Variants in DYM observed in about 807,000 individuals in gnomAD.
The protein encoded by DYM is dymeclin, also known as dyggve-Melchior-Clausen syndrome protein.
DYM carries 78 observed loss-of-function variants against 93.1 expected under a neutral mutation model. The observed-to-expected ratio is 0.84, with a 90% CI of 0.70 to 1.01. DYM has a LOEUF of 1.01. Ranked by LOEUF, DYM falls within the 50% of genes least tolerant of loss-of-function variation. DYM has a pLI of 0.00. For synonymous variants in DYM, 321 were observed against 319.7 expected (o/e 1.00, Z -0.04); for missense variants, 789 against 845.0 (o/e 0.93, Z 0.82).
chr18:49,052,731 T>C (rs371030077), intron 17 of DYM, among the ~76,000 whole-genome samples: 19 of 152,236 alleles, frequency 1.2e-4, no homozygotes, highest in African/African-American at 4.3e-4. Flanking sequence ...CTTCCCTCCC[T>C]TGGGCTTCTA....
At chr18:49,263,356 T>C (rs567988710) in intron 11 of DYM, among the ~76,000 whole-genome samples, 1 of 151,700 alleles carries the variant, frequency 6.6e-6, no homozygotes, top group East Asian at 2.0e-4. Context: ...TGACCTCACG[T>C]GATCTGCCCA....
At chr18:49,289,765 AT>A (rs1568181418) in intron 8 of DYM, among the ~76,000 whole-genome samples, 3 of 50,252 alleles carry the variant, frequency 6.0e-5, no homozygotes, top group Non-Finnish European at 1.1e-4. Flanking sequence ...ATATATATAT[AT>A]ATATATACAC....
intron 8 of DYM, among the ~76,000 whole-genome samples, chr18:49,294,445 T>C (rs1162519383): frequency 6.6e-6 from 1 of 152,218 alleles, no homozygotes. Context: ...TTTCTATCCA[T>C]GAGCATGGAA....
chr18:49,430,235 A>G lies in DYM; in HGVS notation c.140+20T>C. ...ATATGGCCCTCTATTCAAATTTTCA[A>G]TCTCCAGGCAATCTCTTACCTGCTA... On this transcript the variant is annotated intron_variant, in intron 2 of 17. Coordinates refer to ENST00000675505, the MANE Select transcript of DYM (RefSeq NM_001353214.3). 1 of 1,613,206 alleles carries G rather than the reference A, an allele frequency of 6.2e-7. No individual in the cohort carries two copies. The highest frequency in any genetic ancestry group is 1.1e-5 in the South Asian group (1 of 91,078).
At chr18:49,375,678 T>G (rs549867978) in intron 5 of DYM, 2 of 152,310 alleles carry the variant, frequency 1.3e-5, no homozygotes, top group South Asian at 4.2e-4. Context: ...ATATCGAGTG[T>G]CAACTTGATC....
At chr18:49,300,989 AAC>A (rs2060895775) in intron 8 of DYM, among the ~76,000 whole-genome samples, 1 of 152,190 alleles carries the variant, frequency 6.6e-6, no homozygotes, top group Non-Finnish European at 1.5e-5. Context: ...CGGTGCCTCA[AAC>A]CTTAAAGTTA....
intron 2 of DYM, among the ~76,000 whole-genome samples, chr18:49,400,106 A>AAT (rs942591127): frequency 2.0e-5 from 3 of 151,222 alleles, no homozygotes; most frequent in African/African-American, 7.3e-5. Context: ...ACGCCTGGCT[A>AAT]ATTTTTGAAT....
rs147358032 is a variant in DYM at position 49,335,934 on chromosome 18, C to T, written c.495-2081G>A. On this transcript the variant is annotated intron_variant, in intron 6 of 17. Transcript: ENST00000675505. ...GCTCAAGTGATCCTCCTGCCTTAGC[C>T]TCTCAAGTAGCTGGGACTACAGGCA... Among the ~76,000 whole-genome samples, 63 of 152,208 alleles carry T rather than the reference C, an allele frequency of 4.1e-4. No homozygotes were observed. The East Asian group carries it at 0.011, about 27-fold the overall frequency.
chr18:49,047,623 T>C (rs1321440867), intron 17 of DYM, among the ~76,000 whole-genome samples: 2 of 152,184 alleles, frequency 1.3e-5, no homozygotes, highest in African/African-American at 2.4e-5. Context: ...CCCTGCACAG[T>C]GCTCTCTGGG....
intron 3 of DYM, among the ~76,000 whole-genome samples, chr18:49,389,119 C>T (rs75123320): frequency 0.091 from 13,891 of 152,078 alleles, 859 homozygotes; most frequent in East Asian, 0.31. Context: ...GAAATTGTCA[C>T]AAAAGATTAG....
chr18:49,080,869 C>T (rs1485303820), intron 17 of DYM, among the ~76,000 whole-genome samples: 6 of 150,680 alleles, frequency 4.0e-5, no homozygotes, highest in Non-Finnish European at 7.4e-5. Flanking sequence ...GACGGGGTGG[C>T]GGCCGGGCAG....
At chr18:49,273,207 T>C (rs2094756278) in intron 10 of DYM, among the ~76,000 whole-genome samples, 1 of 152,142 alleles carries the variant, frequency 6.6e-6, no homozygotes, top group South Asian at 2.1e-4. Flanking sequence ...GTTTTGTTCT[T>C]TTACAAGTTG....
In DYM at chr18:49,209,708, AGG is replaced by A; in HGVS notation, c.1466_1467del (p.Thr489MetfsTer33). 7.8e-7 allele frequency: 1 copy of A among 1,274,690 alleles called. No individual in the cohort carries two copies. The highest frequency in any genetic ancestry group is 1.0e-6 in the Non-Finnish European group (1 of 980,230). 79.0% of individuals were successfully genotyped at this position (1,274,690 alleles called of 1,614,324 possible). On this transcript the variant is annotated frameshift_variant, in exon 14 of 18. Coordinates refer to ENST00000675505, the MANE Select transcript of DYM (RefSeq NM_001353214.3). LOFTEE classifies it high-confidence loss of function. ...TAAACATATCTCCGCAAGTGGCGGC[AGG>A]TATAACTGAAAGACAAAGGTAAAAG... ...QYAAQRIISY[T>X]CRHLRRYVYV...
intron 2 of DYM, among the ~76,000 whole-genome samples, chr18:49,401,590 A>G (rs542569661): frequency 1.3e-4 from 20 of 152,246 alleles, no homozygotes; most frequent in African/African-American, 3.4e-4. Flanking sequence ...GGATTGGAGA[A>G]CTATGCCCAA....
intron 14 of DYM, among the ~76,000 whole-genome samples, chr18:49,174,794 C>T (rs879881466): frequency 1.3e-5 from 2 of 151,840 alleles, no homozygotes; most frequent in Non-Finnish European, 1.5e-5. Flanking sequence ...CAGAGAAAAC[C>T]CATGTGCAAG....
At position 49,037,029 on chromosome 18, in the gene DYM, G is replaced by A. The variant is rs190109065; in HGVS notation, c.*7026C>T. On this transcript the variant is annotated 3_prime_UTR_variant, in exon 18 of 18. Coordinates refer to ENST00000675505, the MANE Select transcript of DYM (RefSeq NM_001353214.3). The stretch of plus-strand genomic sequence containing the variant: ...CAATTCTCTTGCCTCAGCCTCCTGC[G>A]TAGCTGGGACTACAGATGCCCACCA... 2.8e-4 allele frequency among the ~76,000 whole-genome samples: 42 copies of A among 152,202 alleles called. No homozygotes were observed. The highest frequency in any genetic ancestry group is 4.0e-4 in the Non-Finnish European group (27 of 68,004).
At chr18:49,415,079 G>A (rs1460910611) in intron 2 of DYM, among the ~76,000 whole-genome samples, 1 of 151,696 alleles carries the variant, frequency 6.6e-6, no homozygotes, top group Admixed American at 6.6e-5. Flanking sequence ...CTGTTTCCAG[G>A]GCTCAAGCGA....
intron 14 of DYM, among the ~76,000 whole-genome samples, chr18:49,205,557 C>A (rs2092430695): frequency 1.3e-5 from 2 of 151,870 alleles, no homozygotes; most frequent in Admixed American, 6.6e-5. Flanking sequence ...TTCTGGATAT[C>A]AAATTTTATG....
At chr18:49,305,448 T>C (rs1403568358) in intron 8 of DYM, among the ~76,000 whole-genome samples, 1 of 152,206 alleles carries the variant, frequency 6.6e-6, no homozygotes, top group Non-Finnish European at 1.5e-5. Context: ...TCCCTAATCT[T>C]CATGCTTAGC....
Sources: allele counts gnomAD v4.1 joint callset (sites outside exome capture counted in the v4.1 genomes callset), GRCh38; gene constraint gnomAD v4.1.1; transcripts MANE v1.5; gene names NCBI Gene and HGNC (gene_info 2026-07-23, HGNC 2026-07-21).